RABGAP1: variants seen among roughly 807,000 people sequenced by gnomAD.
The protein encoded by RABGAP1 is rab GTPase-activating protein 1.
In RABGAP1, 23 loss-of-function variants were observed where a neutral mutation model predicts 137.6. That is an observed-to-expected ratio of 0.17 (90% CI 0.12 to 0.24). The LOEUF (loss-of-function observed/expected upper bound fraction) is 0.24. Among genes scored for constraint, RABGAP1 ranks in the 10% least tolerant of loss-of-function variants. RABGAP1 has a pLI of 1.00. For synonymous variants in RABGAP1, 451 were observed against 450.7 expected (o/e 1.00, Z -0.01); for missense variants, 906 against 1,275.8 (o/e 0.71, Z 4.42).
chr9:123,017,807 C>A (rs2031341981), intron 12 of RABGAP1, among the ~76,000 whole-genome samples: 1 of 152,214 alleles, frequency 6.6e-6, no homozygotes, highest in South Asian at 2.1e-4. Context: ...TCAACTCTAA[C>A]AACCTTATAA....
intron 4 of RABGAP1, among the ~76,000 whole-genome samples, chr9:122,988,960 A>G (rs1588221501): frequency 6.6e-6 from 1 of 151,620 alleles, no homozygotes; most frequent in East Asian, 1.9e-4. Flanking sequence ...AAAAAAAAAA[A>G]GCACAGCTTC....
At chr9:123,028,198 A>G (rs941615986) in intron 13 of RABGAP1, among the ~76,000 whole-genome samples, 3 of 152,214 alleles carry the variant, frequency 2.0e-5, no homozygotes, top group Non-Finnish European at 2.9e-5. Context: ...AGATCTTTCA[A>G]CTTAGAAGCA....
intron 2 of RABGAP1, among the ~76,000 whole-genome samples, chr9:122,965,167 T>A (rs1204926918): frequency 6.6e-6 from 1 of 152,196 alleles, no homozygotes; most frequent in African/African-American, 2.4e-5. Flanking sequence ...CATAAAATAC[T>A]GATACATGCT....
At chr9:122,945,509 A>T (rs1233711178) in intron 1 of RABGAP1, 1 of 152,160 alleles carries the variant, frequency 6.6e-6, no homozygotes, top group Non-Finnish European at 1.5e-5. Context: ...ATCACTATAC[A>T]GTGAAATAAA....
intron 11 of RABGAP1, among the ~76,000 whole-genome samples, chr9:123,015,307 T>A (rs888174628): frequency 2.7e-5 from 4 of 146,308 alleles, no homozygotes; most frequent in African/African-American, 1.1e-4. Flanking sequence ...TTTTTTTTTT[T>A]TGCAATTGAC....
chr9:122,985,773 A>G (rs1836340762), intron 3 of RABGAP1, among the ~76,000 whole-genome samples: 1 of 152,220 alleles, frequency 6.6e-6, no homozygotes, highest in Non-Finnish European at 1.5e-5. Flanking sequence ...CGACTCTAAT[A>G]GCACTATATT....
intron 13 of RABGAP1, among the ~76,000 whole-genome samples, chr9:123,063,618 G>A (rs1197254110): frequency 6.6e-6 from 1 of 152,174 alleles, no homozygotes. Flanking sequence ...AATTTGCACT[G>A]CCCTGAGGGC....
chr9:123,081,319 G>T (rs1403827375), intron 19 of RABGAP1, among the ~76,000 whole-genome samples: 1 of 152,210 alleles, frequency 6.6e-6, no homozygotes, highest in Non-Finnish European at 1.5e-5. Context: ...GGGCGTCAGT[G>T]CCCCTAACTC....
intron 10 of RABGAP1, among the ~76,000 whole-genome samples, chr9:123,000,897 C>T (rs1837292479): frequency 6.6e-6 from 1 of 152,098 alleles, no homozygotes; most frequent in Admixed American, 6.6e-5. Flanking sequence ...AGCCTAAGGT[C>T]AGATCTTATC....
intron 13 of RABGAP1, among the ~76,000 whole-genome samples, chr9:123,022,187 C>T (rs760296529): frequency 2.0e-5 from 3 of 152,110 alleles, no homozygotes; most frequent in East Asian, 1.9e-4. Flanking sequence ...TTGCTTTAAA[C>T]GAAATATTTT....
intron 1 of RABGAP1, among the ~76,000 whole-genome samples, chr9:122,952,714 C>T (rs1467567841): frequency 2.0e-5 from 3 of 152,002 alleles, no homozygotes; most frequent in Admixed American, 2.0e-4. Flanking sequence ...CCAGCCTGGG[C>T]GACAGAGCAA....
At chr9:122,986,545 C>G (rs1836380958) in intron 4 of RABGAP1, 126 bp downstream of exon 4, 3 of 1,037,484 alleles carry the variant, frequency 2.9e-6, no homozygotes, top group African/African-American at 3.2e-5. Context: ...TTTCATTTAC[C>G]TGGCACTCAT....
intron 2 of RABGAP1, among the ~76,000 whole-genome samples, chr9:122,963,522 A>C (rs1834966182): frequency 6.6e-6 from 1 of 152,184 alleles, no homozygotes; most frequent in Admixed American, 6.5e-5. Flanking sequence ...CATACTCCTA[A>C]ATAAAAAGTC....
intron 13 of RABGAP1, among the ~76,000 whole-genome samples, chr9:123,043,200 TAAATA>T (rs2033036169): frequency 6.6e-6 from 1 of 151,914 alleles, no homozygotes; most frequent in African/African-American, 2.4e-5. Context: ...AGGGAGGAAA[TAAATA>T]AAGAGATACA....
intron 16 of RABGAP1, 37 bp downstream of exon 16, chr9:123,073,714 G>A (rs1214624944): frequency 1.2e-6 from 2 of 1,612,650 alleles, no homozygotes; most frequent in African/African-American, 2.7e-5. Flanking sequence ...GACAAAAAGA[G>A]TACAGGACTA....
At chr9:123,014,658 ATTTT>A (rs10560935) in intron 11 of RABGAP1, among the ~76,000 whole-genome samples, 15 of 107,264 alleles carry the variant, frequency 1.4e-4, no homozygotes, top group Non-Finnish European at 1.7e-4. Context: ...AAGAGGTTTA[ATTTT>A]TTTTTTTTTT....
At chr9:122,984,328 T>G (rs914722236) in intron 2 of RABGAP1, among the ~76,000 whole-genome samples, 157 bp from the exon 3 acceptor site, 3 of 152,228 alleles carry the variant, frequency 2.0e-5, no homozygotes, top group Non-Finnish European at 2.9e-5. Context: ...CCTTATTTGT[T>G]GCAGATCTTG....
chr9:123,003,266 T>A (rs2029892851), intron 10 of RABGAP1, among the ~76,000 whole-genome samples: 1 of 152,216 alleles, frequency 6.6e-6, no homozygotes, highest in Admixed American at 6.5e-5. Flanking sequence ...AATAGTATTT[T>A]CACTTTATAG....
intron 13 of RABGAP1, among the ~76,000 whole-genome samples, chr9:123,044,693 A>G (rs2033126828): frequency 6.6e-6 from 1 of 151,992 alleles, no homozygotes; most frequent in African/African-American, 2.4e-5. Flanking sequence ...GTACATGAGT[A>G]TAATACAAGA....
Sources: gnomAD v4.1 joint callset for allele counts (sites outside exome capture counted in the v4.1 genomes callset) on GRCh38, gnomAD v4.1.1 for gene constraint, MANE v1.5 for transcripts, NCBI Gene and HGNC (gene_info 2026-07-23, HGNC 2026-07-21) for gene names.